The following ZC3H12B variants were observed in gnomAD, a reference collection of about 807,000 sequenced individuals.
ZC3H12B encodes the protein zinc finger CCCH-type containing 12B.
ZC3H12B carries 7 observed loss-of-function variants against 43.9 expected under a neutral mutation model. That is an observed-to-expected ratio of 0.16 (90% CI 0.09 to 0.30). The LOEUF (loss-of-function observed/expected upper bound fraction) is 0.30. ZC3H12B is among the 10% of genes least tolerant of loss of function. The pLI, the probability that ZC3H12B is intolerant of heterozygous loss-of-function variation, is 1.00. For synonymous variants in ZC3H12B, 222 were observed against 241.7 expected (o/e 0.92, Z 0.76); for missense variants, 475 against 670.2 (o/e 0.71, Z 3.22).
the ZC3H12B span, among the ~76,000 whole-genome samples, chrX:65,349,398 C>T: frequency 3.6e-5 from 4 of 111,585 alleles, no homozygotes; most frequent in Admixed American, 9.6e-5. Flanking sequence ...ACTAAATGCC[C>T]ACAAGAGAAA....
chrX:65,407,065 A>T (rs1386286061), intron 3 of ZC3H12B, among the ~76,000 whole-genome samples: 13 of 112,611 alleles, frequency 1.2e-4, no homozygotes, highest in Admixed American at 9.2e-5. Context: ...CACGAAGGTG[A>T]AGGAAGGAAA....
At chrX:65,067,257 A>G in the ZC3H12B span, among the ~76,000 whole-genome samples, 1 of 110,699 alleles carries the variant, frequency 9.0e-6, no homozygotes, top group Non-Finnish European at 1.9e-5. Context: ...CTTGAAACCC[A>G]GGTTTCTGGT....
At chrX:65,090,936 G>T in the ZC3H12B span, among the ~76,000 whole-genome samples, 1 of 110,850 alleles carries the variant, frequency 9.0e-6, no homozygotes, top group Non-Finnish European at 1.9e-5. Context: ...ATCCCCCTGC[G>T]TCTCTCTCTT....
chrX:65,046,460 A>G, the ZC3H12B span, among the ~76,000 whole-genome samples: 13 of 111,535 alleles, frequency 1.2e-4, no homozygotes, highest in African/African-American at 4.2e-4. Context: ...GCTAGCTTCC[A>G]ACTTTTTTTC....
chrX:65,437,008 A>T (rs969015989), intron 3 of ZC3H12B, among the ~76,000 whole-genome samples: 2 of 110,316 alleles, frequency 1.8e-5, no homozygotes, highest in Non-Finnish European at 3.8e-5. Flanking sequence ...GCTGTAGTAC[A>T]GTGGTGGGAT....
chrX:65,252,249 T>C, the ZC3H12B span, among the ~76,000 whole-genome samples: 6 of 111,345 alleles, frequency 5.4e-5, no homozygotes, highest in Non-Finnish European at 9.4e-5. Flanking sequence ...TATTGATTTG[T>C]GTATGTTGAA....
chrX:65,318,441 T>A, the ZC3H12B span, among the ~76,000 whole-genome samples: 8 of 106,484 alleles, frequency 7.5e-5, no homozygotes, highest in African/African-American at 2.8e-4. Context: ...TGAGACAGAG[T>A]TTCACTCCTG....
chrX:65,441,350 G>A (rs2067298929), intron 3 of ZC3H12B, among the ~76,000 whole-genome samples: 1 of 112,199 alleles, frequency 8.9e-6, no homozygotes, highest in African/African-American at 3.2e-5. Context: ...AGCCAGTGCT[G>A]TAGAGAAATG....
chrX:65,356,494 G>T, the ZC3H12B span, among the ~76,000 whole-genome samples: 2 of 111,828 alleles, frequency 1.8e-5, no homozygotes, highest in African/African-American at 3.2e-5. Flanking sequence ...ATGGTCTTGT[G>T]TTGCTCTCCC....
chrX:65,408,522 C>G, intron 3 of ZC3H12B: 1 of 1,206,584 alleles, frequency 8.3e-7, no homozygotes, highest in Non-Finnish European at 1.1e-6. Flanking sequence ...ACGCCTCACC[C>G]TTCGGGACTT....
intron 3 of ZC3H12B, among the ~76,000 whole-genome samples, chrX:65,447,433 T>C (rs1424767445): frequency 9.0e-6 from 1 of 111,550 alleles, no homozygotes; most frequent in African/African-American, 3.3e-5. Flanking sequence ...TCTACAAAAA[T>C]CAACTCAAGA....
chrX:65,248,046 A>C, the ZC3H12B span, among the ~76,000 whole-genome samples: 1 of 101,005 alleles, frequency 9.9e-6, no homozygotes. Context: ...TAGCCACGAA[A>C]AAAATTTTTT....
chrX:65,355,634 C>T, the ZC3H12B span, among the ~76,000 whole-genome samples: 1 of 111,643 alleles, frequency 9.0e-6, no homozygotes, highest in South Asian at 3.8e-4. Context: ...TAGGAATGCA[C>T]ACTAAACCAT....
At chrX:65,072,413 A>G in the ZC3H12B span, among the ~76,000 whole-genome samples, 2 of 112,371 alleles carry the variant, frequency 1.8e-5, no homozygotes, top group African/African-American at 6.5e-5. Flanking sequence ...CCTGGTTCAG[A>G]ACCCTTGCTA....
the ZC3H12B span, among the ~76,000 whole-genome samples, chrX:65,248,723 C>T: frequency 3.6e-5 from 4 of 111,890 alleles, no homozygotes; most frequent in Non-Finnish European, 5.6e-5. Context: ...CCCTGTTCAC[C>T]GCACCCATGC....
intron 3 of ZC3H12B, among the ~76,000 whole-genome samples, chrX:65,436,009 A>G (rs2067217518): frequency 8.9e-6 from 1 of 112,192 alleles, no homozygotes; most frequent in African/African-American, 3.2e-5. Context: ...ACAAAGAAAC[A>G]GGTTAAATTG....
chrX:65,497,486 T>G (rs1269955559), intron 2 of ZC3H12B, among the ~76,000 whole-genome samples: 1 of 112,895 alleles, frequency 8.9e-6, no homozygotes, highest in South Asian at 3.6e-4. Context: ...CGGCAAAAGA[T>G]AAAGCACATA....
At chrX:65,044,700 A>G in the ZC3H12B span, among the ~76,000 whole-genome samples, 13 of 111,694 alleles carry the variant, frequency 1.2e-4, no homozygotes, top group African/African-American at 4.2e-4. Flanking sequence ...TTATGAAGAT[A>G]TAGACACACA....
At chrX:65,275,203 C>T in the ZC3H12B span, among the ~76,000 whole-genome samples, 1 of 112,787 alleles carries the variant, frequency 8.9e-6, no homozygotes, top group Non-Finnish European at 1.9e-5. Context: ...CTGTTCACTT[C>T]AGGCAGACAT....
Sources: gnomAD v4.1 joint callset for allele counts (sites outside exome capture counted in the v4.1 genomes callset) on GRCh38, gnomAD v4.1.1 for gene constraint, MANE v1.5 for transcripts, NCBI Gene and HGNC (gene_info 2026-07-23, HGNC 2026-07-21) for gene names.